TPO: variants seen among roughly 807,000 people sequenced by gnomAD.
The protein encoded by TPO is thyroid peroxidase, also known as thyroid microsomal antigen.
A neutral mutation model predicts 96.9 loss-of-function variants in TPO; 78 were observed. That is an observed-to-expected ratio of 0.81 (90% confidence interval 0.67 to 0.97). The LOEUF (loss-of-function observed/expected upper bound fraction) is 0.97, where lower values mean the gene tolerates loss of function less well. Among genes scored for constraint, TPO ranks in the 50% least tolerant of loss-of-function variants. TPO has a pLI of 0.00. For synonymous variants in TPO, 547 were observed against 538.0 expected (o/e 1.02, Z -0.23); for missense variants, 1,252 against 1,274.8 (o/e 0.98, Z 0.27).
rs375376055 is a variant in TPO, at chr2:1,541,161, A to G, written c.2748+438A>G. 2.5e-5 allele frequency: 29 copies of G among 1,176,420 alleles called. No homozygotes were observed. In the East Asian group the frequency reaches 1.2e-3, roughly 48 times the overall value. 72.9% of individuals were successfully genotyped at this position (1,176,420 alleles called of 1,614,324 possible). On this transcript the variant is annotated intron_variant, in intron 16 of 16. Coordinates refer to ENST00000329066, the MANE Select transcript of TPO (RefSeq NM_001206744.2). ...TATGCAGAACCCCAAGGGAGGCCAT[A>G]TCAAAAACTCACTTGTGTAAGTCTG...
intron 2 of TPO, among the ~76,000 whole-genome samples, chr2:1,416,703 G>GA (rs1351922200): frequency 1.3e-5 from 2 of 152,314 alleles, no homozygotes; most frequent in Admixed American, 1.3e-4. Context: ...ATGAGTTACT[G>GA]AAAAAATATT....
chr2:1,448,784 G>C (rs1667057778), intron 5 of TPO, among the ~76,000 whole-genome samples: 1 of 152,206 alleles, frequency 6.6e-6, no homozygotes, highest in Admixed American at 6.5e-5. Context: ...ATAACATCAA[G>C]TGAGTGGTGA....
intron 1 of TPO, among the ~76,000 whole-genome samples, chr2:1,386,119 T>A (rs1045919401): frequency 5.9e-5 from 9 of 152,130 alleles, no homozygotes; most frequent in Admixed American, 2.6e-4. Context: ...TGCTGAGGAG[T>A]GCTTTACTTC....
intron 15 of TPO, among the ~76,000 whole-genome samples, chr2:1,532,912 G>T (rs1372966425): frequency 1.9e-5 from 2 of 106,954 alleles, no homozygotes; most frequent in Admixed American, 1.1e-4. Context: ...CTCCCTATGT[G>T]CAACCTCGCA....
intron 1 of TPO, among the ~76,000 whole-genome samples, chr2:1,386,882 C>T (rs948153383): frequency 7.2e-5 from 11 of 152,296 alleles, no homozygotes; most frequent in African/African-American, 2.6e-4. Flanking sequence ...GTGCTTCCTT[C>T]AGGAACTCTT....
chr2:1,526,251 C>T (rs1351026626), intron 15 of TPO, among the ~76,000 whole-genome samples: 1 of 110,268 alleles, frequency 9.1e-6, no homozygotes, highest in East Asian at 3.2e-4. Context: ...CAAGTCCCCC[C>T]CACTGTGAGC....
intron 5 of TPO, among the ~76,000 whole-genome samples, chr2:1,443,340 A>C (rs1050776798): frequency 4.0e-5 from 6 of 149,832 alleles, no homozygotes; most frequent in African/African-American, 1.5e-4. Context: ...TCATTGCTGC[A>C]GAAGGTACCA....
intron 7 of TPO, among the ~76,000 whole-genome samples, chr2:1,470,649 G>A (rs530902133): frequency 1.8e-4 from 27 of 151,794 alleles, no homozygotes; most frequent in Non-Finnish European, 3.7e-4. Context: ...GCTTTAGTGA[G>A]TAACATTTAA....
In TPO at chr2:1,493,802, G is replaced by A. The variant is rs751851883; in HGVS notation, c.1769G>A (p.Gly590Asp). 6.2e-6 allele frequency: 10 copies of A among 1,614,014 alleles called. No homozygotes were observed. In the Middle Eastern group the frequency reaches 1.2e-3, roughly 186 times the overall value. ...LQRGRDHGLP[G>D]YNEWREFCGL... ...ACCCTGCAGCCTCTCCCCTGTGCAG[G>A]TTACAATGAGTGGAGGGAGTTCTGC... is the stretch of plus-strand genomic sequence containing the variant. Residue 590 changes from glycine to aspartate, a missense_variant and splice_region_variant, in exon 11 of 17, where the codon GGT (glycine) becomes GAT (aspartate). Gly to Asp is a moderately conservative substitution (Grantham distance 94, BLOSUM62 -1). Coordinates refer to ENST00000329066, the MANE Select transcript of TPO (RefSeq NM_001206744.2).
chr2:1,452,082 A>T (rs1315668635), intron 5 of TPO, among the ~76,000 whole-genome samples: 1 of 152,108 alleles, frequency 6.6e-6, no homozygotes, highest in African/African-American at 2.4e-5. Context: ...TTTATTTTGC[A>T]TGTTACTTTT....
intron 3 of TPO, among the ~76,000 whole-genome samples, chr2:1,433,130 A>C (rs1665193004): frequency 6.6e-6 from 1 of 152,118 alleles, no homozygotes; most frequent in African/African-American, 2.4e-5. Flanking sequence ...TTTGGATGTG[A>C]TGGCCTGTCC....
chr2:1,396,761 G>A (rs1043317912), intron 1 of TPO, among the ~76,000 whole-genome samples: 21 of 152,150 alleles, frequency 1.4e-4, no homozygotes, highest in African/African-American at 4.6e-4. Context: ...CAGCTGGCCC[G>A]CCTAGGACCC....
intron 14 of TPO, among the ~76,000 whole-genome samples, chr2:1,507,795 G>A (rs1238064528): frequency 6.6e-6 from 1 of 152,076 alleles, no homozygotes; most frequent in African/African-American, 2.4e-5. Flanking sequence ...CTGAGATGAT[G>A]GGGTTTTCTA....
intron 1 of TPO, among the ~76,000 whole-genome samples, chr2:1,382,870 TC>T (rs1661831096): frequency 1.2e-5 from 1 of 85,112 alleles, no homozygotes; most frequent in African/African-American, 4.6e-5. Flanking sequence ...ATGCTATCCC[TC>T]CCCCCTCCCC....
intron 2 of TPO, among the ~76,000 whole-genome samples, chr2:1,414,717 G>A (rs1340462700): frequency 6.6e-6 from 1 of 152,028 alleles, no homozygotes; most frequent in East Asian, 1.9e-4. Context: ...TTCCTTGGAT[G>A]ACACAATAGA....
chr2:1,469,724 AT>A (rs775970705), intron 7 of TPO, among the ~76,000 whole-genome samples: 3 of 152,140 alleles, frequency 2.0e-5, no homozygotes, highest in Non-Finnish European at 4.4e-5. Flanking sequence ...TTCTCCCGTA[AT>A]CTAGACCTTC....
chr2:1,427,759 C>T (rs1171737738), intron 3 of TPO, among the ~76,000 whole-genome samples: 2 of 152,192 alleles, frequency 1.3e-5, no homozygotes, highest in Non-Finnish European at 2.9e-5. Flanking sequence ...TGTCTGGGCT[C>T]ACACTCCTTG....
intron 7 of TPO, among the ~76,000 whole-genome samples, chr2:1,459,156 CTT>C (rs59812716): frequency 2.4e-4 from 36 of 147,394 alleles, no homozygotes; most frequent in Non-Finnish European, 2.6e-4. Flanking sequence ...GGGACATTTT[CTT>C]TTTTTTTTTT....
At chr2:1,420,901 G>A (rs568033968) in intron 2 of TPO, among the ~76,000 whole-genome samples, 3 of 152,246 alleles carry the variant, frequency 2.0e-5, no homozygotes, top group East Asian at 3.9e-4. Flanking sequence ...GGAAAGCCAC[G>A]GCTGGGCTTC....
Sources: allele counts gnomAD v4.1 joint callset (sites outside exome capture counted in the v4.1 genomes callset), GRCh38; gene constraint gnomAD v4.1.1; transcripts MANE v1.5; gene names NCBI Gene and HGNC (gene_info 2026-07-23, HGNC 2026-07-21).